GPC3: variants seen among roughly 807,000 people sequenced by gnomAD.
The protein encoded by GPC3 is glypican 3, also known as glypican-3.
A neutral mutation model predicts 34.4 loss-of-function variants in GPC3; 3 were observed. The observed-to-expected ratio is 0.09, with a 90% CI of 0.04 to 0.23. The LOEUF (loss-of-function observed/expected upper bound fraction) is 0.23. Among genes scored for constraint, GPC3 ranks in the 10% least tolerant of loss-of-function variants. GPC3 has a pLI of 1.00. For synonymous variants in GPC3, 177 were observed against 174.0 expected, an observed-to-expected ratio of 1.02 and a Z score of -0.13; for missense variants, 351 against 445.6, an observed-to-expected ratio of 0.79 and a Z score of 1.91.
At chrX:133,554,915 A>G (rs759467133) in intron 7 of GPC3, among the ~76,000 whole-genome samples, 9 of 111,975 alleles carry the variant, frequency 8.0e-5, no homozygotes, top group Admixed American at 7.6e-4. Context: ...TTTATGTTTG[A>G]GTGCTATTTC....
intron 6 of GPC3, among the ~76,000 whole-genome samples, chrX:133,653,143 T>G (rs2070619249): frequency 8.9e-6 from 1 of 112,306 alleles, no homozygotes; most frequent in Non-Finnish European, 1.9e-5. Flanking sequence ...CACGTGGGAT[T>G]AAGCCTTTAA....
At position 133,535,967 on chromosome X, in the gene GPC3, C is replaced by T. The variant is rs1458337351; in HGVS notation, c.*157G>A. ...CCTCCAAAAGATACCATTTGATTTT[C>T]GAAAACATAACACATGGTTAGTCCT... On this transcript the variant is annotated 3_prime_UTR_variant, in exon 8 of 8. Coordinates refer to ENST00000370818, the MANE Select transcript of GPC3 (RefSeq NM_004484.4). The T allele has an allele frequency of 9.1e-6, 4 of 440,881 alleles. No homozygotes were observed. The highest frequency in any genetic ancestry group is 3.6e-5 in the South Asian group (1 of 27,546). The allele number at this position is 440,881 out of a possible 1,213,427, so 36.3% of individuals were successfully genotyped here.
chrX:133,589,564 C>T (rs189711637), intron 7 of GPC3, among the ~76,000 whole-genome samples: 5,274 of 109,512 alleles, frequency 0.048, 352 homozygotes, highest in African/African-American at 0.17. Flanking sequence ...TTAGTAGAGG[C>T]GGGGTTTCTC....
At chrX:133,882,654 C>T (rs1254251010) in intron 2 of GPC3, among the ~76,000 whole-genome samples, 2 of 110,519 alleles carry the variant, frequency 1.8e-5, no homozygotes, top group African/African-American at 3.3e-5. Flanking sequence ...GCAACTGTGC[C>T]CCAAATCGAG....
At chrX:133,962,897 A>G (rs1035404299) in intron 1 of GPC3, among the ~76,000 whole-genome samples, 10 of 111,745 alleles carry the variant, frequency 8.9e-5, no homozygotes, top group Non-Finnish European at 1.9e-4. Context: ...CAAAGCTAAA[A>G]TGTTATTATC....
intron 5 of GPC3, 65 bp downstream of exon 5, chrX:133,692,304 T>C (rs2071071808): frequency 9.0e-7 from 1 of 1,113,103 alleles, no homozygotes; most frequent in Non-Finnish European, 1.2e-6. Flanking sequence ...CATAATTAAC[T>C]TTTATATAAA....
At chrX:133,590,132 C>T (rs976999951) in intron 7 of GPC3, among the ~76,000 whole-genome samples, 40 of 110,705 alleles carry the variant, frequency 3.6e-4, no homozygotes, top group African/African-American at 1.3e-3. Flanking sequence ...CCCTTTTTTG[C>T]CCTTTTGCCT....
rs144812205 is a variant in GPC3, at chrX:133,596,780, C to G, written c.1414-181G>C. Among the ~76,000 whole-genome samples, 614 of 112,065 alleles carry G rather than the reference C, an allele frequency of 5.5e-3. 6 individuals are homozygous for G. The highest frequency in any genetic ancestry group is 0.019 in the African/African-American group (576 of 30,881). ...CTCTTTAGAGTTTCAGACTTCTGAA[C>G]CTTTCCATAGCATTTGATGTGATGG... On this transcript the variant is annotated intron_variant, in intron 6 of 7. Coordinates refer to ENST00000370818, the MANE Select transcript of GPC3 (RefSeq NM_004484.4).
At chrX:133,661,667 C>T (rs911448859) in intron 6 of GPC3, 63 bp downstream of exon 6, 3 of 266,060 alleles carry the variant, frequency 1.1e-5, no homozygotes, top group Non-Finnish European at 1.9e-5. Context: ...CTCTCTCTCC[C>T]CCTCCTCCTC....
At chrX:133,646,339 G>A (rs974299859) in intron 6 of GPC3, among the ~76,000 whole-genome samples, 1 of 111,952 alleles carries the variant, frequency 8.9e-6, no homozygotes, top group African/African-American at 3.2e-5. Context: ...GACATAGTAG[G>A]TCCAGGGAAT....
chrX:133,794,003 C>T (rs2075562892), intron 2 of GPC3, among the ~76,000 whole-genome samples: 1 of 112,049 alleles, frequency 8.9e-6, no homozygotes, highest in Non-Finnish European at 1.9e-5. Context: ...TAGGAGGCTT[C>T]TCTTCCATCT....
intron 6 of GPC3, among the ~76,000 whole-genome samples, chrX:133,660,752 G>A (rs918642145): frequency 2.7e-5 from 3 of 112,226 alleles, no homozygotes; most frequent in African/African-American, 9.7e-5. Flanking sequence ...TATGTATGAG[G>A]AGGTACCTTT....
intron 3 of GPC3, among the ~76,000 whole-genome samples, chrX:133,746,151 T>C (rs1271229911): frequency 1.8e-5 from 2 of 112,305 alleles, no homozygotes; most frequent in Non-Finnish European, 3.8e-5. Flanking sequence ...CCTTCATCTC[T>C]GACTCAGGAG....
intron 2 of GPC3, among the ~76,000 whole-genome samples, chrX:133,882,757 G>T (rs958563217): frequency 8.9e-6 from 1 of 111,835 alleles, no homozygotes; most frequent in Admixed American, 9.5e-5. Flanking sequence ...CTTCTGCAAA[G>T]AGGAAGGGAA....
rs930668443 is a variant in GPC3, at chrX:133,655,849, G to A, written c.1413+5881C>T. On this transcript the variant is annotated intron_variant, in intron 6 of 7. Coordinates refer to ENST00000370818, the MANE Select transcript of GPC3 (RefSeq NM_004484.4). ...AAAATCACATGCTAAGGAATGTCCT[G>A]AGTGCTCCTTTGGCACTTAACAGCT... is the stretch of plus-strand genomic sequence containing the variant. Among the ~76,000 whole-genome samples, 4 of 111,822 alleles carry A rather than the reference G, an allele frequency of 3.6e-5. No individual in the cohort carries two copies. In the Admixed American group the frequency reaches 3.8e-4, roughly 11 times the overall value.
intron 1 of GPC3, among the ~76,000 whole-genome samples, chrX:133,973,554 A>G (rs1401393446): frequency 8.9e-6 from 1 of 112,721 alleles, no homozygotes; most frequent in Non-Finnish European, 1.9e-5. Context: ...GTTGAAAGAA[A>G]CACTGATGAA....
intron 3 of GPC3, among the ~76,000 whole-genome samples, chrX:133,727,094 C>A (rs144586392): frequency 0.013 from 1,465 of 111,786 alleles, 25 homozygotes; most frequent in African/African-American, 0.044. Flanking sequence ...ATAAGAAGTT[C>A]CACTTTATGT....
At chrX:133,871,959 T>A (rs1056063930) in intron 2 of GPC3, among the ~76,000 whole-genome samples, 1 of 111,241 alleles carries the variant, frequency 9.0e-6, no homozygotes, top group African/African-American at 3.3e-5. Context: ...CCCACCTTTT[T>A]AAGAGATAGG....
At chrX:133,586,157 G>A (rs1205118561) in intron 7 of GPC3, among the ~76,000 whole-genome samples, 2 of 111,503 alleles carry the variant, frequency 1.8e-5, no homozygotes, top group African/African-American at 6.5e-5. Flanking sequence ...ATAACTTTAC[G>A]GGAAGTTTTA....
Sources: allele counts gnomAD v4.1 joint callset (sites outside exome capture counted in the v4.1 genomes callset), GRCh38; gene constraint gnomAD v4.1.1; transcripts MANE v1.5; gene names NCBI Gene and HGNC (gene_info 2026-07-23, HGNC 2026-07-21).